The following DYNC1I1 variants were observed in gnomAD, a reference collection of about 807,000 sequenced individuals.
DYNC1I1 encodes dynein cytoplasmic 1 intermediate chain 1.
A neutral mutation model predicts 86.6 loss-of-function variants in DYNC1I1; 43 were observed. The observed-to-expected ratio is 0.50, with a 90% CI of 0.39 to 0.64. The LOEUF (loss-of-function observed/expected upper bound fraction) is 0.64. Ranked by LOEUF, DYNC1I1 falls within the 30% of genes least tolerant of loss-of-function variation. The pLI, the probability that DYNC1I1 is intolerant of heterozygous loss-of-function variation, is 0.00. For missense variants in DYNC1I1, 604 were observed against 788.8 expected, an observed-to-expected ratio of 0.77 and a Z score of 2.81; for synonymous variants, 262 against 283.7, an observed-to-expected ratio of 0.92 and a Z score of 0.77.
intron 6 of DYNC1I1, among the ~76,000 whole-genome samples, chr7:95,956,422 T>C (rs1303164219): frequency 6.6e-6 from 1 of 151,050 alleles, no homozygotes; most frequent in Admixed American, 6.6e-5. Flanking sequence ...CTGGGATACA[T>C]GTGCAGAATG....
intron 6 of DYNC1I1, among the ~76,000 whole-genome samples, chr7:95,892,019 G>A (rs1210686400): frequency 6.6e-6 from 1 of 152,142 alleles, no homozygotes. Context: ...CCAGGCTGGA[G>A]TGCAGTAGCA....
chr7:95,933,832 A>C (rs948267983), intron 6 of DYNC1I1, among the ~76,000 whole-genome samples: 3 of 152,078 alleles, frequency 2.0e-5, no homozygotes, highest in African/African-American at 7.2e-5. Flanking sequence ...CTCCTTGGCT[A>C]TTCTTAGCAG....
intron 5 of DYNC1I1, among the ~76,000 whole-genome samples, chr7:95,835,727 TG>T (rs1313637999): frequency 2.6e-5 from 4 of 152,112 alleles, no homozygotes; most frequent in African/African-American, 9.7e-5. Flanking sequence ...CATTATGTAA[TG>T]GCCTTCTTTG....
At chr7:96,090,973 GAA>G (rs1485012618) in intron 16 of DYNC1I1, among the ~76,000 whole-genome samples, 2 of 152,158 alleles carry the variant, frequency 1.3e-5, no homozygotes, top group Non-Finnish European at 2.9e-5. Flanking sequence ...GTATTTATGT[GAA>G]GCGGGTATGC....
At chr7:96,003,727 C>G (rs1794072944) in intron 10 of DYNC1I1, among the ~76,000 whole-genome samples, 1 of 152,128 alleles carries the variant, frequency 6.6e-6, no homozygotes, top group African/African-American at 2.4e-5. Flanking sequence ...TGCCCCAGGC[C>G]AGATGAGTCC....
At chr7:95,890,528 C>G (rs961293090) in intron 6 of DYNC1I1, among the ~76,000 whole-genome samples, 1 of 152,034 alleles carries the variant, frequency 6.6e-6, no homozygotes, top group Admixed American at 6.6e-5. Context: ...GTTCAACAAA[C>G]CCCTGTGACA....
intron 2 of DYNC1I1, among the ~76,000 whole-genome samples, chr7:95,808,017 A>G (rs1258653860): frequency 6.6e-6 from 1 of 152,142 alleles, no homozygotes. Context: ...ATAAATGAAC[A>G]TATGAACTAG....
At chr7:95,791,524 A>G (rs1376280459) in intron 1 of DYNC1I1, among the ~76,000 whole-genome samples, 1 of 152,236 alleles carries the variant, frequency 6.6e-6, no homozygotes, top group Admixed American at 6.5e-5. Flanking sequence ...ACTCAGAGAA[A>G]ACAGCTCCAA....
chr7:95,901,507 A>G (rs1791036223), intron 6 of DYNC1I1, among the ~76,000 whole-genome samples: 1 of 152,206 alleles, frequency 6.6e-6, no homozygotes, highest in Admixed American at 6.5e-5. Flanking sequence ...TAAATTCAAC[A>G]GGTTATTTTT....
intron 7 of DYNC1I1, among the ~76,000 whole-genome samples, chr7:95,980,499 A>G (rs1793429601): frequency 6.9e-6 from 1 of 144,876 alleles, no homozygotes; most frequent in East Asian, 2.1e-4. Flanking sequence ...TGACATACAC[A>G]GTTTCAAACC....
chr7:96,030,397 C>T (rs1251025635), intron 11 of DYNC1I1, among the ~76,000 whole-genome samples: 2 of 130,270 alleles, frequency 1.5e-5, no homozygotes, highest in African/African-American at 5.8e-5. Flanking sequence ...CCAGTGTCTG[C>T]TTCTGTTTTG....
downstream of DYNC1I1, among the ~76,000 whole-genome samples, chr7:96,100,074 A>G (rs1791104686): frequency 6.6e-6 from 1 of 152,164 alleles, no homozygotes; most frequent in Non-Finnish European, 1.5e-5. Context: ...TGCAGAGAAC[A>G]TGGTTGAATG....
At chr7:95,799,034 C>T (rs765836413) in intron 1 of DYNC1I1, among the ~76,000 whole-genome samples, 1 of 152,036 alleles carries the variant, frequency 6.6e-6, no homozygotes, top group African/African-American at 2.4e-5. Context: ...CCTCAGTATC[C>T]ACATTTCTTT....
intron 1 of DYNC1I1, among the ~76,000 whole-genome samples, chr7:95,787,399 A>G (rs1262518734): frequency 6.6e-6 from 1 of 152,172 alleles, no homozygotes; most frequent in Non-Finnish European, 1.5e-5. Context: ...ATACATTCAA[A>G]AGGACTGGGA....
intron 6 of DYNC1I1, among the ~76,000 whole-genome samples, chr7:95,900,092 C>T (rs1022662595): frequency 7.9e-5 from 12 of 152,256 alleles, no homozygotes; most frequent in African/African-American, 2.9e-4. Context: ...CTTTTCCGGC[C>T]ACAGCTTGGG....
chr7:96,034,632 T>C (rs936373637), intron 12 of DYNC1I1, among the ~76,000 whole-genome samples: 18 of 152,212 alleles, frequency 1.2e-4, no homozygotes, highest in African/African-American at 4.3e-4. Flanking sequence ...GTTATCTGTA[T>C]GACATAGTCA....
intron 5 of DYNC1I1, 121 bp downstream of exon 5, chr7:95,828,237 C>T (rs982392421): frequency 1.0e-5 from 11 of 1,105,306 alleles, no homozygotes; most frequent in Admixed American, 1.8e-5. Flanking sequence ...TTGATAAGTT[C>T]GTTTCCTTCT....
intron 14 of DYNC1I1, among the ~76,000 whole-genome samples, chr7:96,043,905 T>C (rs73399042): frequency 0.22 from 33,097 of 151,922 alleles, 3,695 homozygotes; most frequent in East Asian, 0.32. Flanking sequence ...AGATGGGGTT[T>C]CACCATGTTG....
At chr7:95,949,356 G>A (rs574274457) in intron 6 of DYNC1I1, among the ~76,000 whole-genome samples, 2 of 152,284 alleles carry the variant, frequency 1.3e-5, no homozygotes, top group East Asian at 1.9e-4. Flanking sequence ...AGCACTAAGC[G>A]ACCCATTACT....
Sources: allele counts gnomAD v4.1 joint callset (sites outside exome capture counted in the v4.1 genomes callset), GRCh38; gene constraint gnomAD v4.1.1; transcripts MANE v1.5; gene names NCBI Gene and HGNC (gene_info 2026-07-23, HGNC 2026-07-21).